Variants in HOXA10 observed in about 807,000 individuals in gnomAD.
The protein encoded by HOXA10 is homeobox protein Hox-A10.
Under a neutral mutation model 29.7 loss-of-function variants are expected in HOXA10, and 12 were observed. The ratio of observed to expected loss-of-function variants is 0.40; its 90% CI spans 0.26 to 0.65. The LOEUF (loss-of-function observed/expected upper bound fraction) is 0.65. Ranked by LOEUF, HOXA10 falls within the 30% of genes least tolerant of loss-of-function variation. HOXA10 has a pLI of 0.37. For missense variants in HOXA10, 656 were observed against 585.9 expected, an observed-to-expected ratio of 1.12 and a Z score of -1.24; for synonymous variants, 327 against 280.7, an observed-to-expected ratio of 1.16 and a Z score of -1.65.
In HOXA10 at chr7:27,173,793, A is replaced by G. The variant is rs775787935; in HGVS notation, c.514T>C (p.Tyr172His). ...TTGGGGCATTTGTCCGCCGAGTCGTAGAGGCAGTAGGAGCTCTCTTCTTTG... is the reference window on the plus strand; with the variant it reads ...TTGGGGCATTTGTCCGCCGAGTCGTGGAGGCAGTAGGAGCTCTCTTCTTTG... ...NIKEESSYCL[Y>H]DSADKCPKVS... Residue 172 changes from tyrosine to histidine, a missense_variant, in exon 1 of 2, where the codon TAC becomes CAC. Transcript: ENST00000283921. 5 of 1,610,874 alleles carry G rather than the reference A, an allele frequency of 3.1e-6. No individual in the cohort carries two copies. Among genetic ancestry groups the G allele is most frequent in the Non-Finnish European group, 4.2e-6 (5 of 1,178,724 alleles).
At chr7:27,179,050 GGTTTATAACAGC>G (rs1375770187), upstream of HOXA10, among the ~76,000 whole-genome samples, 1 of 152,156 alleles carries the variant, frequency 6.6e-6, no homozygotes, top group Non-Finnish European at 1.5e-5. Flanking sequence ...ATTGCAGCTG[GGTTTATAACAGC>G]GTACTCCAAG....
At position 27,173,839 on chromosome 7, in the gene HOXA10, C is replaced by T. The variant is rs1414024086; in HGVS notation, c.468G>A (p.Ser156=). 2.5e-6 allele frequency: 4 copies of T among 1,610,074 alleles called. No individual in the cohort carries two copies. Among genetic ancestry groups the T allele is most frequent in the South Asian group, 1.1e-5 (1 of 90,596 alleles). Residue 156 remains serine (S), a synonymous_variant, in exon 1 of 2, where the codon TCG becomes TCA. Transcript: ENST00000283921. The stretch of plus-strand genomic sequence containing the variant: ...CTTTGATGTTCTGCGCGAAAGAGCA[C>T]GAGGTGGCCTGCGGCGCTGGCTGGG... The part of the protein sequence containing the change: ...QPPQPAPQAT[S]CSFAQNIKEE...
In HOXA10 at chr7:27,173,404, C is replaced by A. The variant is rs1416829145; in HGVS notation, c.903G>T (p.Glu301Asp). The A allele has an allele frequency of 6.2e-7, 1 of 1,610,872 alleles. No homozygotes were observed. The highest frequency in any genetic ancestry group is 1.3e-5 in the African/African-American group (1 of 74,934). The change falls in exon 1 of 2, where the codon GAG becomes GAT. Residue 301 changes from glutamate (E) to aspartate (D), a missense_variant. By Grantham distance (45) the Glu-to-Asp change is conservative. Around this residue, in one of 2 missense-constraint regions of HOXA10, gnomAD observed 594 missense variants for 491.9 expected, o/e 1.21. Coordinates refer to ENST00000283921, the MANE Select transcript of HOXA10 (RefSeq NM_018951.4). ...TGCTCTCGGAAGGGGCCGGGGAGAG[C>A]TCCTCCGCGGCCGAGGACGACGCGT... ...EAHASSSAAE[E>D]LSPAPSESSK...
Position 27,173,496 on chromosome 7 carries a change from C to G in HOXA10, c.811G>C (p.Asp271His), listed in dbSNP as rs759111415. 12 of 1,526,468 alleles carry G rather than the reference C, an allele frequency of 7.9e-6. No homozygotes were observed. The highest frequency in any genetic ancestry group is 1.1e-5 in the Non-Finnish European group (12 of 1,141,866). 94.6% of individuals were successfully genotyped at this position (1,526,468 alleles called of 1,614,324 possible). The change falls in exon 1 of 2, where the codon GAT becomes CAT. Residue 271 changes from aspartate to histidine, a missense_variant. By Grantham distance (81) the Asp-to-His change is moderately conservative. Coordinates refer to ENST00000283921, the MANE Select transcript of HOXA10 (RefSeq NM_018951.4). ...GCCAGCGTGGGGGGCGGCGGCGAAT[C>G]GAGGGCTCGCTCCTTCCGGGCCGCA... ...ADAARKERAL[D>H]SPPPPTLACG...
At chr7:27,174,422 C>G, upstream of HOXA10, 1 of 1,514,498 alleles carries the variant, frequency 6.6e-7, no homozygotes, top group Non-Finnish European at 8.8e-7. Context: ...GTTTCGTAGG[C>G]GCGGGGCCGC....
In HOXA10 at chr7:27,173,287, C is replaced by T. The variant is rs986474799; in HGVS notation, c.958+62G>A. 1.1e-5 allele frequency: 17 copies of T among 1,603,580 alleles called. No homozygotes were observed. The African/African-American group carries it at 2.3e-4, about 21-fold the overall frequency. On this transcript the variant is annotated intron_variant, in intron 1 of 1. Transcript: ENST00000283921. ...TGCGCGGGCTCCTAGTTTTCTGATC[C>T]TTCTCCTCCTTGTGTCTGCCTGTCT...
In HOXA10 at chr7:27,171,180, C is replaced by T; in HGVS notation, c.*719G>A. Reference sequence around the variant, plus strand: ...AACATTTTAGTCAGGCAATGTAAGACCTTACAGAAACTGGAAGAGAAGTCC... The same window carrying T: ...AACATTTTAGTCAGGCAATGTAAGATCTTACAGAAACTGGAAGAGAAGTCC... On this transcript the variant is annotated 3_prime_UTR_variant, in exon 2 of 2. Transcript: ENST00000283921. 2.2e-6 allele frequency: 1 copy of T among 453,984 alleles called. No homozygotes were observed. Among genetic ancestry groups the T allele is most frequent in the Admixed American group, 2.4e-5 (1 of 42,508 alleles). The allele number at this position is 453,984 out of a possible 1,614,324, so 28.1% of individuals were successfully genotyped here.
At chr7:27,179,760 G>A (rs928096310) in exon 1 of HOXA10, 11 of 720,828 alleles carry the variant, frequency 1.5e-5, no homozygotes, top group Non-Finnish European at 2.3e-5. Flanking sequence ...CACTTCTTGA[G>A]GGTGAGTCCC....
chr7:27,174,155 C>G lies in HOXA10; in HGVS notation c.152G>C (p.Gly51Ala). The G allele has an allele frequency of 1.9e-6, 3 of 1,595,530 alleles. No homozygotes were observed. The highest frequency in any genetic ancestry group is 2.5e-6 in the Non-Finnish European group (3 of 1,178,818). ...EAGGGGGGAG[G>A]GGGGGYYAHG... Reference sequence around the variant, plus strand: ...GGCGTAGTAACCGCCACCGCCGCCGCCCCCCGCGCCACCACCACCGCCGCC... The same window carrying G: ...GGCGTAGTAACCGCCACCGCCGCCGGCCCCCGCGCCACCACCACCGCCGCC... Residue 51 changes from glycine (G) to alanine (A), a missense_variant, in exon 1 of 2, where the codon GGC (glycine) becomes GCC (alanine). Around this residue, in one of 2 missense-constraint regions of HOXA10, gnomAD observed 594 missense variants for 491.9 expected, o/e 1.21. Transcript: ENST00000283921.
upstream of HOXA10, chr7:27,174,555 G>T (rs1355313591): frequency 1.7e-5 from 10 of 604,494 alleles, no homozygotes; most frequent in Admixed American, 2.6e-4. Context: ...CCCCAACGTG[G>T]CTGGTGGGGG....
Position 27,173,349 on chromosome 7 carries a change from C to G in HOXA10, c.958G>C (p.Gly320Arg). ...TGCAGCCCTCTGCAGCCCTGCTTACCCAGGGAATCCTTCTCCGGCGAGGCT... is the reference window on the plus strand; with the variant it reads ...TGCAGCCCTCTGCAGCCCTGCTTACGCAGGGAATCCTTCTCCGGCGAGGCT... ...SKASPEKDSL[G>R]NSKGENAANW... Residue 320 changes from glycine (G) to arginine (R), a missense_variant and splice_region_variant, in exon 1 of 2, where the codon GGC becomes CGC. By Grantham distance (125) the Gly-to-Arg change is moderately radical. Around this residue, in one of 2 missense-constraint regions of HOXA10, gnomAD observed 594 missense variants for 491.9 expected, o/e 1.21. Transcript: ENST00000283921. 2 of 1,611,982 alleles carry G rather than the reference C, an allele frequency of 1.2e-6. No homozygotes were observed. The highest frequency in any genetic ancestry group is 1.7e-6 in the Non-Finnish European group (2 of 1,179,738).
At position 27,171,843 on chromosome 7, in the gene HOXA10, CAGAG is replaced by C; in HGVS notation, c.*52_*55del. 2 of 1,587,912 alleles carry C rather than the reference CAGAG, an allele frequency of 1.3e-6. 1 individual carries two copies. Among genetic ancestry groups the C allele is most frequent in the South Asian group, 2.2e-5 (2 of 90,448 alleles). On this transcript the variant is annotated 3_prime_UTR_variant, in exon 2 of 2. Transcript: ENST00000283921. ...CGAGTTCCTGGGCAGAGCCTGAAGA[CAGAG>C]GGAGGGGACCAGCGCTCGGGAAGTG...
rs756068183 is a variant in HOXA10, at chr7:27,173,939, C to A, written c.368G>T (p.Arg123Leu). ...SPIDLWLDAP[R>L]SCRMEPPDGP... Reference sequence around the variant, plus strand: ...GTCAGGCGGCTCCATCCGGCAAGACCGGGGCGCGTCTAGCCACAGGTCTAT... The same window carrying A: ...GTCAGGCGGCTCCATCCGGCAAGACAGGGGCGCGTCTAGCCACAGGTCTAT... Residue 123 changes from arginine (R) to leucine (L), a missense_variant, in exon 1 of 2, where the codon CGG (arginine) becomes CTG (leucine). By Grantham distance (102) the Arg-to-Leu change is moderately radical. Transcript: ENST00000283921. 3.3e-6 allele frequency: 5 copies of A among 1,524,862 alleles called. No individual in the cohort carries two copies. The South Asian group carries it at 6.1e-5, about 19-fold the overall frequency. The allele number at this position is 1,524,862 out of a possible 1,614,324, so 94.5% of individuals were successfully genotyped here.
rs1783716078 is a variant in HOXA10, at chr7:27,179,572, G to T, written c.10+74C>A. ...CACAAACCCAGCCACGTTCCCGAGAGCCCTGCTTAGACATCGGCCACCTCC... is the reference window on the plus strand; with the variant it reads ...CACAAACCCAGCCACGTTCCCGAGATCCCTGCTTAGACATCGGCCACCTCC... On this transcript the variant is annotated intron_variant, in intron 1 of 1. Coordinates refer to the HOXA10 transcript ENST00000396344. 2.1e-5 allele frequency: 16 copies of T among 746,964 alleles called. No homozygotes were observed. In the South Asian group the frequency reaches 2.2e-4, roughly 10 times the overall value. The allele number at this position is 746,964 out of a possible 1,614,324, so 46.3% of individuals were successfully genotyped here. A position where few individuals can be genotyped will look rare whatever the true frequency, so the allele number is the denominator to read the frequency against.
chr7:27,170,911 G>A lies in HOXA10; in HGVS notation c.*988C>T, dbSNP rs576389557. ...ATGTCTCCCTTCTCTAGTTTATTCC[G>A]CTTACCCCAGTCCTCCTAGGCTTCT... On this transcript the variant is annotated 3_prime_UTR_variant, in exon 2 of 2. Transcript: ENST00000283921. 2.9e-3 allele frequency: 1,313 copies of A among 453,788 alleles called. 7 individuals carry two copies. The highest frequency in any genetic ancestry group is 4.9e-3 in the Non-Finnish European group (1,110 of 226,696). 28.1% of individuals were successfully genotyped at this position (453,788 alleles called of 1,614,324 possible).
In HOXA10 at chr7:27,170,717, A is replaced by G. The variant is rs1299151852; in HGVS notation, c.*1182T>C. 2.3e-6 allele frequency: 1 copy of G among 440,528 alleles called. No homozygotes were observed. Among genetic ancestry groups the G allele is most frequent in the South Asian group, 1.7e-5 (1 of 60,400 alleles). The allele number at this position is 440,528 out of a possible 1,614,324, so 27.3% of individuals were successfully genotyped here. A position where few individuals can be genotyped will look rare whatever the true frequency, so the allele number is the denominator to read the frequency against. On this transcript the variant is annotated 3_prime_UTR_variant, in exon 2 of 2. Transcript: ENST00000283921. ...AAGATTAGAAGTAAATAGAGCTAGA[A>G]CTAACATTTATAATAACGATAGAAT...
In HOXA10 at chr7:27,173,714, T is replaced by C; in HGVS notation, c.593A>G (p.Asp198Gly). 6.3e-7 allele frequency: 1 copy of C among 1,579,628 alleles called. No homozygotes were observed. Among genetic ancestry groups the C allele is most frequent in the African/African-American group, 1.4e-5 (1 of 74,048 alleles). ...GCTGGAGGTGCCCAGGGCGCAGCCG[T>C]CGGGCGGCGGGCCCCGCGGGAAGGG... ...LAPFPRGPPP[D>G]GCALGTSSGV... The change falls in exon 1 of 2, where the codon GAC becomes GGC. Residue 198 changes from aspartate (D) to glycine (G), a missense_variant. By Grantham distance (94) the Asp-to-Gly change is moderately conservative. Transcript: ENST00000283921.
At position 27,171,257 on chromosome 7, in the gene HOXA10, G is replaced by C. The variant is rs569252324; in HGVS notation, c.*642C>G. On this transcript the variant is annotated 3_prime_UTR_variant, in exon 2 of 2. Coordinates refer to ENST00000283921, the MANE Select transcript of HOXA10 (RefSeq NM_018951.4). ...CTTTTTAAAGCTGGGATATCTTACA[G>C]AGGAAGGAAAAATTAACCTTTTTTA... The C allele has an allele frequency of 4.4e-6, 2 of 454,076 alleles. No individual in the cohort carries two copies. Among genetic ancestry groups the C allele is most frequent in the Non-Finnish European group, 8.8e-6 (2 of 226,782 alleles). 28.1% of individuals were successfully genotyped at this position (454,076 alleles called of 1,614,324 possible).
upstream of HOXA10, among the ~76,000 whole-genome samples, chr7:27,176,013 G>A (rs913575560): frequency 3.3e-5 from 5 of 152,194 alleles, no homozygotes; most frequent in African/African-American, 1.2e-4. Flanking sequence ...TGGCTGCTCC[G>A]AGCTCCGGGC....
Sources: gnomAD v4.1 joint callset for allele counts (sites outside exome capture counted in the v4.1 genomes callset) on GRCh38, gnomAD v4.1.1 for gene constraint, gnomAD v4.1.1 regional missense constraint, MANE v1.5 for transcripts, NCBI Gene and HGNC (gene_info 2026-07-23, HGNC 2026-07-21) for gene names.